The following PHKB variants were observed in gnomAD, a reference collection of about 807,000 sequenced individuals.
PHKB encodes phosphorylase b kinase regulatory subunit beta.
PHKB carries 122 observed loss-of-function variants against 152.1 expected under a neutral mutation model. The observed-to-expected ratio is 0.80, with a 90% confidence interval of 0.69 to 0.93. The LOEUF (loss-of-function observed/expected upper bound fraction) is 0.93. Among genes scored for constraint, PHKB ranks in the 40% least tolerant of loss-of-function variants. The pLI is 0.00. For synonymous variants in PHKB, 436 were observed against 464.9 expected, an observed-to-expected ratio of 0.94 and a Z score of 0.80; for missense variants, 1,304 against 1,328.4, an observed-to-expected ratio of 0.98 and a Z score of 0.29.
chr16:47,479,855 C>T (rs1374873029), intron 1 of PHKB, among the ~76,000 whole-genome samples: 2 of 152,162 alleles, frequency 1.3e-5, no homozygotes, highest in African/African-American at 4.8e-5. Context: ...TTGCAGCTTC[C>T]TTTCACTGGT....
chr16:47,463,729 G>A, intron 1 of PHKB: 1 of 584,266 alleles, frequency 1.7e-6, no homozygotes. Flanking sequence ...ATTTATCAAA[G>A]CAAAGAAAAT....
intron 1 of PHKB, among the ~76,000 whole-genome samples, chr16:47,477,565 G>A (rs758047640): frequency 6.6e-5 from 10 of 151,976 alleles, no homozygotes; most frequent in South Asian, 4.1e-4. Context: ...GGTCAAGTCC[G>A]AAAAGTTTCA....
At position 47,650,912 on chromosome 16, in the gene PHKB, T is replaced by C. The variant is rs1448861592; in HGVS notation, c.1962T>C (p.Asp654=). Reference sequence around the variant, plus strand: ...TTGGAGGAGTCAAAGTTCATGTGGATCGTCTACAGGTAGCCTTCTGATTTT... The same window carrying C: ...TTGGAGGAGTCAAAGTTCATGTGGACCGTCTACAGGTAGCCTTCTGATTTT... ...GIIGGVKVHV[D]RLQTLISGAV... The change falls in exon 20 of 31, where the codon GAT becomes GAC. Residue 654 remains aspartate, a synonymous_variant. Coordinates refer to ENST00000323584, the MANE Select transcript of PHKB (RefSeq NM_000293.3). 3.7e-6 allele frequency: 6 copies of C among 1,609,820 alleles called. No homozygotes were observed. Among genetic ancestry groups the C allele is most frequent in the Non-Finnish European group, 5.1e-6 (6 of 1,176,142 alleles).
At chr16:47,649,244 G>T (rs774821532) in intron 18 of PHKB, 40 bp downstream of exon 18, 131 of 1,054,328 alleles carry the variant, frequency 1.2e-4, no homozygotes, top group Non-Finnish European at 1.9e-4. Flanking sequence ...GAATGAGTTT[G>T]TTTCCACTGA....
intron 6 of PHKB, among the ~76,000 whole-genome samples, chr16:47,527,992 C>T (rs1970796695): frequency 6.6e-6 from 1 of 152,152 alleles, no homozygotes; most frequent in Admixed American, 6.6e-5. Flanking sequence ...TTACTTAAGC[C>T]ACACGGACTA....
intron 14 of PHKB, among the ~76,000 whole-genome samples, chr16:47,612,945 G>T (rs1043965005): frequency 6.6e-6 from 1 of 152,090 alleles, no homozygotes; most frequent in Non-Finnish European, 1.5e-5. Context: ...TTGAAATGTT[G>T]GTGTCAGTAG....
At chr16:47,685,702 T>C (rs1973952417) in intron 26 of PHKB, among the ~76,000 whole-genome samples, 1 of 152,092 alleles carries the variant, frequency 6.6e-6, no homozygotes, top group Non-Finnish European at 1.5e-5. Flanking sequence ...AAGATTAGTT[T>C]GACCAACAAT....
At chr16:47,545,092 C>T (rs138888699) in intron 6 of PHKB, among the ~76,000 whole-genome samples, 2 of 152,316 alleles carry the variant, frequency 1.3e-5, no homozygotes, top group Admixed American at 1.3e-4. Flanking sequence ...AGCCCATTTA[C>T]ATTTAAGGTT....
At chr16:47,554,533 T>A (rs1971332589) in intron 7 of PHKB, among the ~76,000 whole-genome samples, 1 of 151,980 alleles carries the variant, frequency 6.6e-6, no homozygotes, top group South Asian at 2.1e-4. Flanking sequence ...AACGGTTCTG[T>A]CTCCGCGGAG....
intron 13 of PHKB, among the ~76,000 whole-genome samples, chr16:47,606,271 A>G (rs1972322036): frequency 1.3e-5 from 2 of 152,244 alleles, no homozygotes; most frequent in South Asian, 2.1e-4. Flanking sequence ...ATAGAAATCT[A>G]GTATAGAAAT....
intron 1 of PHKB, among the ~76,000 whole-genome samples, chr16:47,486,293 T>C (rs915699115): frequency 2.6e-5 from 4 of 152,216 alleles, no homozygotes; most frequent in African/African-American, 9.6e-5. Flanking sequence ...GAACCTCCTA[T>C]GTGCCAGCAT....
chr16:47,479,798 C>T (rs1969932937), intron 1 of PHKB, among the ~76,000 whole-genome samples: 1 of 152,088 alleles, frequency 6.6e-6, no homozygotes, highest in Non-Finnish European at 1.5e-5. Flanking sequence ...TCCCTGATTC[C>T]CACTGGGCAT....
intron 13 of PHKB, among the ~76,000 whole-genome samples, chr16:47,603,139 A>T (rs978540787): frequency 6.6e-6 from 1 of 152,194 alleles, no homozygotes; most frequent in Non-Finnish European, 1.5e-5. Context: ...CCCCTAGTGT[A>T]TGTATATAAG....
At chr16:47,532,740 C>T (rs780799191) in intron 6 of PHKB, among the ~76,000 whole-genome samples, 5 of 152,268 alleles carry the variant, frequency 3.3e-5, no homozygotes, top group Non-Finnish European at 5.9e-5. Context: ...AGGGAGTCAG[C>T]CCTGGCTCAG....
chr16:47,475,047 C>G (rs1287348909), intron 1 of PHKB, among the ~76,000 whole-genome samples: 3 of 152,132 alleles, frequency 2.0e-5, no homozygotes, highest in African/African-American at 7.2e-5. Context: ...GGGTTTTCTG[C>G]TTACAGGACA....
chr16:47,526,530 C>T (rs1970770642), intron 6 of PHKB, among the ~76,000 whole-genome samples: 1 of 152,006 alleles, frequency 6.6e-6, no homozygotes, highest in Non-Finnish European at 1.5e-5. Flanking sequence ...CCAACCAGGC[C>T]CCATCGTCAA....
At chr16:47,634,051 T>C (rs1243096153) in intron 14 of PHKB, among the ~76,000 whole-genome samples, 1 of 152,208 alleles carries the variant, frequency 6.6e-6, no homozygotes, top group African/African-American at 2.4e-5. Context: ...TTGCTGGCAT[T>C]GATAGATGGC....
At chr16:47,578,072 T>C (rs1397882462) in intron 7 of PHKB, among the ~76,000 whole-genome samples, 1 of 152,194 alleles carries the variant, frequency 6.6e-6, no homozygotes, top group Admixed American at 6.5e-5. Context: ...TTCCAGTTTG[T>C]TTATTCTTTC....
chr16:47,617,548 T>C (rs1382198895), intron 14 of PHKB, among the ~76,000 whole-genome samples: 1 of 152,156 alleles, frequency 6.6e-6, no homozygotes, highest in East Asian at 1.9e-4. Context: ...CATATTTGTC[T>C]TTCTGCGTGT....
Sources: allele counts gnomAD v4.1 joint callset (sites outside exome capture counted in the v4.1 genomes callset), GRCh38; gene constraint gnomAD v4.1.1; transcripts MANE v1.5; gene names NCBI Gene and HGNC (gene_info 2026-07-23, HGNC 2026-07-21).